The following PHLDB1 variants were observed in gnomAD, a reference collection of about 807,000 sequenced individuals.
PHLDB1 encodes pleckstrin homology-like domain family B member 1.
PHLDB1 carries 65 observed loss-of-function variants against 139.3 expected under a neutral mutation model. The observed-to-expected ratio is 0.47, with a 90% CI of 0.38 to 0.57. The LOEUF is 0.57. Ranked by LOEUF, PHLDB1 falls within the 20% of genes least tolerant of loss-of-function variation. The pLI is 0.00. For missense variants in PHLDB1, 1,624 were observed against 1,839.7 expected (o/e 0.88, Z 2.14); for synonymous variants, 679 against 734.5 (o/e 0.92, Z 1.22).
At chr11:118,623,702 T>C (rs1179672493) in intron 4 of PHLDB1, among the ~76,000 whole-genome samples, 1 of 152,074 alleles carries the variant, frequency 6.6e-6, no homozygotes, top group Non-Finnish European at 1.5e-5. Flanking sequence ...CCCCGGTTCA[T>C]CTGACTGATC....
At chr11:118,642,200 T>G in intron 12 of PHLDB1, 54 bp from the exon 13 acceptor site, 1 of 1,536,688 alleles carries the variant, frequency 6.5e-7, no homozygotes, top group Non-Finnish European at 9.0e-7. Context: ...TCCTGGCCTT[T>G]CCTCTCCATC....
rs1940051645 is a variant in PHLDB1 at position 118,610,809 on chromosome 11, G to A, written c.-21-3007G>A. Among the ~76,000 whole-genome samples the A allele has an allele frequency of 6.6e-6, 1 of 152,152 alleles. No individual in the cohort carries two copies. Among genetic ancestry groups the A allele is most frequent in the African/African-American group, 2.4e-5 (1 of 41,436 alleles). ...GCTGGGGTGTCGGCGCATTCCCGCG[G>A]GGGAGGAGGCCGAGGGCCCGGGCCG... On this transcript the variant is annotated intron_variant, in intron 1 of 22. Coordinates refer to ENST00000600882, the MANE Select transcript of PHLDB1 (RefSeq NM_001144758.3). This position sits in a 1 kb window ranked among gnomAD's most constrained non-coding sequence, Gnocchi z 8.7.
chr11:118,649,969 G>A, intron 18 of PHLDB1, 108 bp from the exon 19 acceptor site: 1 of 799,394 alleles, frequency 1.3e-6, no homozygotes, highest in Admixed American at 1.7e-5. Context: ...ATGGGTTAGG[G>A]AGGTGTGATG....
chr11:118,609,634 G>A (rs1463032103), intron 1 of PHLDB1, among the ~76,000 whole-genome samples: 2 of 152,236 alleles, frequency 1.3e-5, no homozygotes, highest in East Asian at 3.9e-4. Context: ...GCTCGGAACG[G>A]GCGGTGTCTG....
Position 118,645,679 on chromosome 11 carries a change from C to T in PHLDB1, c.3416+29C>T, listed in dbSNP as rs201420570. On this transcript the variant is annotated intron_variant, in intron 16 of 22. Coordinates refer to ENST00000600882, the MANE Select transcript of PHLDB1 (RefSeq NM_001144758.3). The surrounding 1 kb of genome is among the most constrained non-coding windows in gnomAD (Gnocchi z 5.1). ...CACCCGACGCCTGGGCCCGCAGCCT[C>T]CCTCAGCCACCGCCTCAGCTCCTTG... 5.6e-6 allele frequency: 9 copies of T among 1,613,282 alleles called. No individual in the cohort carries two copies. The highest frequency in any genetic ancestry group is 1.7e-5 in the Admixed American group (1 of 60,020).
In PHLDB1 at chr11:118,657,928, C is replaced by G. The variant is rs1466587671; in HGVS notation, c.*1105C>G. The G allele has an allele frequency of 2.1e-5, 5 of 235,550 alleles. No individual in the cohort carries two copies. Among genetic ancestry groups the G allele is most frequent in the African/African-American group, 1.1e-4 (5 of 45,174 alleles). The allele number at this position is 235,550 out of a possible 1,614,324, so 14.6% of individuals were successfully genotyped here. On this transcript the variant is annotated 3_prime_UTR_variant, in exon 23 of 23. Transcript: ENST00000600882. ...TAACACTAAGCCCACCTCCCCTGCT[C>G]TCCTTCCCAGCATTGAGCCCTTGGT... is the stretch of plus-strand genomic sequence containing the variant.
intron 1 of PHLDB1, 27 bp from the exon 2 acceptor site, chr11:118,613,789 C>G (rs1555085954): frequency 6.6e-7 from 1 of 1,515,186 alleles, no homozygotes; most frequent in East Asian, 2.3e-5. Context: ...GGCCTCCCCA[C>G]TCACCACCTT....
chr11:118,639,318 T>C, intron 12 of PHLDB1, 67 bp downstream of exon 12: 1 of 1,160,700 alleles, frequency 8.6e-7, no homozygotes, highest in African/African-American at 1.5e-5. Flanking sequence ...GAGTAACACA[T>C]GGCACTTTCA....
In PHLDB1 at chr11:118,650,571, G is replaced by C. The variant is rs1202754455; in HGVS notation, c.3874+24G>C. On this transcript the variant is annotated intron_variant, in intron 20 of 22. Coordinates refer to ENST00000600882, the MANE Select transcript of PHLDB1 (RefSeq NM_001144758.3). This position sits in a 1 kb window ranked among gnomAD's most constrained non-coding sequence, Gnocchi z 4.7. ...GGGTGAGTTCCCACAAGGCCACCCT[G>C]GGGGCCAGCCAGGATCCCTGGGCTC... is the stretch of plus-strand genomic sequence containing the variant. The C allele has an allele frequency of 6.6e-7, 1 of 1,522,268 alleles. No homozygotes were observed. Among genetic ancestry groups the C allele is most frequent in the Non-Finnish European group, 9.1e-7 (1 of 1,096,606 alleles). 94.3% of individuals were successfully genotyped at this position (1,522,268 alleles called of 1,614,324 possible).
intron 17 of PHLDB1, chr11:118,646,463 C>G (rs1209064508): frequency 1.3e-5 from 2 of 152,356 alleles, no homozygotes; most frequent in Admixed American, 6.5e-5. Flanking sequence ...AATTTTGATT[C>G]CTGTCTACCC....
intron 22 of PHLDB1, 111 bp downstream of exon 22, chr11:118,656,003 G>GGAGCAGAAAGCAGGTTGCAAA (rs1294260359): frequency 1.2e-5 from 10 of 814,562 alleles, no homozygotes; most frequent in Non-Finnish European, 1.9e-5. Context: ...GCCCAAGGGA[G>GGAGCAGAAAGCAGGTTGCAAA]GAGCAGAAAG....
chr11:118,608,891 C>G lies in PHLDB1; in HGVS notation c.-22+1192C>G, dbSNP rs1203600246. ...ACGCGCCCCAGCTCACACATGCACC[C>G]CAGTCACACAGCCTACCTCACACAC... On this transcript the variant is annotated intron_variant, in intron 1 of 22. Transcript: ENST00000600882. The surrounding 1 kb of genome is among the most constrained non-coding windows in gnomAD (Gnocchi z 6.7). Among the ~76,000 whole-genome samples, 2 of 152,008 alleles carry G rather than the reference C, an allele frequency of 1.3e-5. No individual in the cohort carries two copies. Among genetic ancestry groups the G allele is most frequent in the Non-Finnish European group, 2.9e-5 (2 of 67,968 alleles).
At position 118,649,938 on chromosome 11, in the gene PHLDB1, T is replaced by C. The variant is rs572098921; in HGVS notation, c.3655-139T>C. The C allele has an allele frequency of 3.9e-4, 275 of 704,524 alleles. 4 individuals are homozygous for C. The Admixed American group carries it at 5.3e-3, about 14-fold the overall frequency. The allele number at this position is 704,524 out of a possible 1,614,324, so 43.6% of individuals were successfully genotyped here. On this transcript the variant is annotated intron_variant, in intron 18 of 22. Transcript: ENST00000600882. ...AGGTCTCCACTTTTGCCATAAGCCCTGTGGAGCCACAGTGACCGCCATGGG... is the reference window on the plus strand; with the variant it reads ...AGGTCTCCACTTTTGCCATAAGCCCCGTGGAGCCACAGTGACCGCCATGGG...
rs1555106589 is a variant in PHLDB1, at chr11:118,628,507, C to T, written c.1684C>T (p.Leu562Phe). ...PCQSPCVQRK[L>F]SSGDLRVPVT... ...CCAGAGTCCCTGTGTCCAGAGGAAG[C>T]TCTCCAGCGGGGACTTGCGGGTGCC... Residue 562 changes from leucine (L) to phenylalanine (F), a missense_variant, in exon 6 of 23, where the codon CTC (leucine) becomes TTC (phenylalanine). Coordinates refer to ENST00000600882, the MANE Select transcript of PHLDB1 (RefSeq NM_001144758.3). 6.2e-7 allele frequency: 1 copy of T among 1,613,158 alleles called. No homozygotes were observed. Among genetic ancestry groups the T allele is most frequent in the East Asian group, 2.2e-5 (1 of 44,884 alleles).
rs142470009 is a variant in PHLDB1, at chr11:118,628,353, G to C, written c.1530G>C (p.Gly510=). The C allele has an allele frequency of 6.2e-7, 1 of 1,612,050 alleles. No individual in the cohort carries two copies. The highest frequency in any genetic ancestry group is 1.1e-5 in the South Asian group (1 of 90,948). The change falls in exon 6 of 23, where the codon GGG becomes GGC. Residue 510 remains glycine, a synonymous_variant. Transcript: ENST00000600882. The part of the protein sequence containing the change: ...ASPEDFSLTL[G]ARGRRTRSPS... ...CAGAGGACTTCTCCCTGACGCTGGG[G>C]GCACGGGGCCGTAGGACACGGAGCC...
At position 118,632,190 on chromosome 11, in the gene PHLDB1, A is replaced by G; in HGVS notation, c.2273A>G (p.Glu758Gly). Residue 758 changes from glutamate (E) to glycine (G), a missense_variant, in exon 9 of 23, where the codon GAG (glutamate) becomes GGG (glycine). Glu to Gly is a moderately conservative substitution (Grantham distance 98). Transcript: ENST00000600882. The surrounding 1 kb of genome is among the most constrained non-coding windows in gnomAD (Gnocchi z 5.9). ...AEMERALLQG[E>G]REAERALLQK... The stretch of plus-strand genomic sequence containing the variant: ...ATGGAGCGGGCACTGCTGCAGGGAG[A>G]GAGGGAGGCAGAGCGGGCACTGCTG... The G allele has an allele frequency of 6.2e-7, 1 of 1,613,886 alleles. No homozygotes were observed. The highest frequency in any genetic ancestry group is 8.5e-7 in the Non-Finnish European group (1 of 1,179,930).
rs782741580 is a variant in PHLDB1 at position 118,616,183 on chromosome 11, T to A, written c.327T>A (p.Pro109=). ...ATGCCTGCACTATTGATGGGCTCCCTGTCCGGCAGCCTACCCGGCTCACTC... is the reference window on the plus strand; with the variant it reads ...ATGCCTGCACTATTGATGGGCTCCCAGTCCGGCAGCCTACCCGGCTCACTC... ...CGNACTIDGL[P]VRQPTRLTQG... is the part of the protein sequence containing the mutation. The change falls in exon 4 of 23, where the codon CCT becomes CCA. Residue 109 remains proline, a synonymous_variant. Transcript: ENST00000600882. 30 of 1,613,978 alleles carry A rather than the reference T, an allele frequency of 1.9e-5. No homozygotes were observed. In the African/African-American group the frequency reaches 3.7e-4, roughly 20 times the overall value.
chr11:118,636,063 T>A (rs1180358412), intron 10 of PHLDB1, among the ~76,000 whole-genome samples: 2 of 152,166 alleles, frequency 1.3e-5, no homozygotes, highest in African/African-American at 4.8e-5. Context: ...TGTGACACGC[T>A]AGCTAGATAC....
chr11:118,629,284 G>C (rs1202624816), intron 6 of PHLDB1, among the ~76,000 whole-genome samples: 1 of 152,252 alleles, frequency 6.6e-6, no homozygotes, highest in African/African-American at 2.4e-5. Context: ...CTGACCGTTA[G>C]CCAGCCTGTG....
Sources: gnomAD v4.1 joint callset for allele counts (sites outside exome capture counted in the v4.1 genomes callset) on GRCh38, gnomAD v4.1.1 for gene constraint, Gnocchi (gnomAD v3.1) non-coding constraint, MANE v1.5 for transcripts, NCBI Gene and HGNC (gene_info 2026-07-23, HGNC 2026-07-21) for gene names.